The following CCSER1 variants were observed in gnomAD, a reference collection of about 807,000 sequenced individuals.
The protein encoded by CCSER1 is serine-rich coiled-coil domain-containing protein 1.
CCSER1 carries 41 observed loss-of-function variants against 82.0 expected under a neutral mutation model. That is an observed-to-expected ratio of 0.50 (90% CI 0.39 to 0.65). CCSER1 has a LOEUF of 0.65. CCSER1 is among the 30% of genes least tolerant of loss of function. The probability of loss-of-function intolerance (pLI) is 0.00; values close to 1 mark genes in which losing one functional copy is unlikely to be tolerated. For synonymous variants in CCSER1, 414 were observed against 383.9 expected, an observed-to-expected ratio of 1.08 and a Z score of -0.92; for missense variants, 1,119 against 1,064.2, an observed-to-expected ratio of 1.05 and a Z score of -0.72.
intron 6 of CCSER1, chr4:90,649,703 G>A (rs1560882443): frequency 6.6e-6 from 1 of 152,200 alleles, no homozygotes; most frequent in Non-Finnish European, 1.5e-5. Context: ...TTAAGACAAA[G>A]TGGTTGGGTA....
intron 10 of CCSER1, among the ~76,000 whole-genome samples, chr4:91,336,182 A>G (rs1300113474): frequency 2.0e-5 from 3 of 152,106 alleles, no homozygotes; most frequent in African/African-American, 7.2e-5. Context: ...CATCTCATCA[A>G]GCTACATTTC....
At chr4:90,407,808 A>T (rs755568376) in intron 4 of CCSER1, among the ~76,000 whole-genome samples, 2 of 151,992 alleles carry the variant, frequency 1.3e-5, no homozygotes, top group Non-Finnish European at 2.9e-5. Flanking sequence ...GGTGTGGCGC[A>T]CCCTACATGA....
chr4:90,275,296 T>A (rs531706162), intron 1 of CCSER1, among the ~76,000 whole-genome samples: 1 of 152,260 alleles, frequency 6.6e-6, no homozygotes, highest in Admixed American at 6.5e-5. Flanking sequence ...GACTTTTAAG[T>A]CAATGTGTCT....
chr4:90,247,480 C>G (rs187613450), intron 1 of CCSER1, among the ~76,000 whole-genome samples: 6 of 152,200 alleles, frequency 3.9e-5, no homozygotes, highest in Admixed American at 1.3e-4. Context: ...AAGTGACTGA[C>G]TTTTCACACC....
At position 90,459,399 on chromosome 4, in the gene CCSER1, C is replaced by A. The variant is rs72885033; in HGVS notation, c.1604-8835C>A. Among the ~76,000 whole-genome samples, 33 of 151,942 alleles carry A rather than the reference C, an allele frequency of 2.2e-4. 2 individuals carry two copies. In the East Asian group the frequency reaches 6.0e-3, roughly 28 times the overall value. On this transcript the variant is annotated intron_variant, in intron 4 of 10. Coordinates refer to ENST00000509176, the MANE Select transcript of CCSER1 (RefSeq NM_001145065.2). The stretch of plus-strand genomic sequence containing the variant: ...TTAATATTAGTAAAAGTAATTCTGT[C>A]CCCCTAAAATGCTCTTTAAATTAGT...
At chr4:90,289,088 G>A (rs966590949) in intron 1 of CCSER1, among the ~76,000 whole-genome samples, 2 of 151,846 alleles carry the variant, frequency 1.3e-5, no homozygotes, top group Admixed American at 6.6e-5. Flanking sequence ...TTGCTGTGGG[G>A]TATTAACAGG....
intron 1 of CCSER1, among the ~76,000 whole-genome samples, chr4:90,211,850 C>A (rs1051557678): frequency 6.6e-6 from 1 of 152,020 alleles, no homozygotes; most frequent in African/African-American, 2.4e-5. Flanking sequence ...GATTCTTGAG[C>A]ACATCTGTAG....
intron 1 of CCSER1, among the ~76,000 whole-genome samples, chr4:90,217,443 C>T (rs574454013): frequency 1.3e-5 from 2 of 152,256 alleles, no homozygotes; most frequent in Non-Finnish European, 2.9e-5. Flanking sequence ...TGTATTCCGC[C>T]CGCCTCGGCC....
chr4:91,394,987 A>G (rs1221592854), intron 10 of CCSER1, among the ~76,000 whole-genome samples: 2 of 152,134 alleles, frequency 1.3e-5, no homozygotes, highest in Non-Finnish European at 2.9e-5. Flanking sequence ...TAGGCATTAT[A>G]ATAGAATTAA....
At chr4:90,752,071 T>G (rs888962518) in intron 7 of CCSER1, among the ~76,000 whole-genome samples, 7 of 152,136 alleles carry the variant, frequency 4.6e-5, no homozygotes, top group Non-Finnish European at 8.8e-5. Flanking sequence ...AGCTTTAATT[T>G]ATTGAGCACT....
chr4:90,416,557 T>C (rs112033053), intron 4 of CCSER1, among the ~76,000 whole-genome samples: 30 of 152,210 alleles, frequency 2.0e-4, no homozygotes, highest in Non-Finnish European at 3.5e-4. Flanking sequence ...AAAGTTCTAT[T>C]CTCAGTTGCC....
intron 10 of CCSER1, among the ~76,000 whole-genome samples, chr4:91,276,405 A>C (rs1381720468): frequency 6.9e-6 from 1 of 145,908 alleles, no homozygotes; most frequent in South Asian, 2.1e-4. Flanking sequence ...TTTTGTAGCT[A>C]TTGAAAAATG....
intron 10 of CCSER1, among the ~76,000 whole-genome samples, chr4:91,460,048 G>A (rs1373111304): frequency 1.3e-5 from 2 of 152,146 alleles, no homozygotes; most frequent in East Asian, 3.9e-4. Context: ...TAGTCTCAAA[G>A]GTAGAGTAAG....
chr4:90,369,366 AAAG>A (rs1237441288), intron 3 of CCSER1, among the ~76,000 whole-genome samples: 1 of 150,642 alleles, frequency 6.6e-6, no homozygotes, highest in Non-Finnish European at 1.5e-5. Context: ...AGGAAAAGGA[AAAG>A]AAGGAAGAGG....
rs146775445 is a variant in CCSER1 at position 90,542,911 on chromosome 4, G to T, written c.1724+74557G>T. ...TAGTTGGTCTGGAGAATGAGGAAAA[G>T]GAATTTACTAAAATTATTTGCTCTT... On this transcript the variant is annotated intron_variant, in intron 5 of 10. Transcript: ENST00000509176. Among the ~76,000 whole-genome samples, 76 of 152,046 alleles carry T rather than the reference G, an allele frequency of 5.0e-4. No homozygotes were observed. The East Asian group carries it at 5.8e-3, about 12-fold the overall frequency.
chr4:90,230,336 T>C (rs1015019118), intron 1 of CCSER1, among the ~76,000 whole-genome samples: 1 of 152,068 alleles, frequency 6.6e-6, no homozygotes, highest in African/African-American at 2.4e-5. Context: ...ACCGCTCAAC[T>C]ACATGGAAAC....
intron 5 of CCSER1, among the ~76,000 whole-genome samples, chr4:90,484,824 G>A (rs1242124557): frequency 6.6e-6 from 1 of 152,338 alleles, no homozygotes; most frequent in Admixed American, 6.5e-5. Flanking sequence ...TCGGGGGTTA[G>A]GGACCCTCTT....
intron 7 of CCSER1, among the ~76,000 whole-genome samples, chr4:90,812,625 A>C (rs938399647): frequency 3.3e-5 from 5 of 152,164 alleles, no homozygotes; most frequent in Admixed American, 2.0e-4. Context: ...ATACTAGTCC[A>C]TTTTCACACC....
At chr4:91,517,342 A>T (rs1760183616) in intron 10 of CCSER1, among the ~76,000 whole-genome samples, 1 of 152,222 alleles carries the variant, frequency 6.6e-6, no homozygotes, top group Admixed American at 6.5e-5. Context: ...TTTAAAAGAT[A>T]ACTCTTTATT....
Sources: allele counts gnomAD v4.1 joint callset (sites outside exome capture counted in the v4.1 genomes callset), GRCh38; gene constraint gnomAD v4.1.1; transcripts MANE v1.5; gene names NCBI Gene and HGNC (gene_info 2026-07-23, HGNC 2026-07-21).